The following VAX2 variants were observed in gnomAD, a reference collection of about 807,000 sequenced individuals.
VAX2 encodes ventral anterior homeobox 2.
A neutral mutation model predicts 12.5 loss-of-function variants in VAX2; 8 were observed. The observed-to-expected ratio is 0.64, with a 90% CI of 0.37 to 1.15. The LOEUF is 1.15. Among genes scored for constraint, VAX2 ranks in the 50% most tolerant of loss-of-function variants. The pLI is 0.01. For missense variants in VAX2, 476 were observed against 412.9 expected, an observed-to-expected ratio of 1.15 and a Z score of -1.32; for synonymous variants, 183 against 187.6, an observed-to-expected ratio of 0.98 and a Z score of 0.20.
chr2:70,916,441 T>A (rs1296044003), intron 1 of VAX2, among the ~76,000 whole-genome samples: 2 of 152,210 alleles, frequency 1.3e-5, no homozygotes, highest in Non-Finnish European at 2.9e-5. Context: ...TTATTACATA[T>A]ATAGATCCAT....
At chr2:70,907,237 A>G (rs1679080744) in intron 1 of VAX2, among the ~76,000 whole-genome samples, 1 of 152,256 alleles carries the variant, frequency 6.6e-6, no homozygotes, top group Non-Finnish European at 1.5e-5. Flanking sequence ...GAAGCACTGA[A>G]TTACAAAACC....
chr2:70,930,052 C>T (rs113596389), intron 2 of VAX2, among the ~76,000 whole-genome samples: 3 of 152,080 alleles, frequency 2.0e-5, no homozygotes, highest in Non-Finnish European at 2.9e-5. Context: ...AATCTGCATC[C>T]GCCAGGTGCG....
rs1403872982 is a variant in VAX2 at position 70,933,080 on chromosome 2, T to C, written c.749T>C (p.Phe250Ser). ...PLPPPLPAVCFSSAPLLDLPA... is the reference protein window; with the variant it reads ...PLPPPLPAVCSSSAPLLDLPA... ...CCGCCCCCTCTGCCAGCTGTCTGCT[T>C]TTCCTCGGCCCCGCTCCTGGATCTG... The change falls in exon 3 of 3, where the codon TTT (phenylalanine) becomes TCT (serine). Residue 250 changes from phenylalanine to serine, a missense_variant. Physicochemically the swap from Phe to Ser is radical, Grantham distance 155. Transcript: ENST00000234392. The C allele has an allele frequency of 3.1e-5, 50 of 1,609,728 alleles. No homozygotes were observed. The highest frequency in any genetic ancestry group is 4.2e-5 in the Non-Finnish European group (49 of 1,178,366).
At chr2:70,918,350 C>G (rs1553412330) in intron 1 of VAX2, among the ~76,000 whole-genome samples, 1 of 152,198 alleles carries the variant, frequency 6.6e-6, no homozygotes, top group Non-Finnish European at 1.5e-5. Flanking sequence ...ACTGGCAGGA[C>G]CCAGAAAGAG....
intron 2 of VAX2, among the ~76,000 whole-genome samples, chr2:70,925,955 C>T (rs1470910106): frequency 1.3e-5 from 2 of 152,084 alleles, no homozygotes; most frequent in Non-Finnish European, 2.9e-5. Context: ...CTTCCTTCTG[C>T]CAAATAGCAT....
In VAX2 at chr2:70,921,189, G is replaced by A. The variant is rs782718345; in HGVS notation, c.339G>A (p.Gln113=). 6 of 1,613,650 alleles carry A rather than the reference G, an allele frequency of 3.7e-6. No homozygotes were observed. The highest frequency in any genetic ancestry group is 5.1e-6 in the Non-Finnish European group (6 of 1,179,964). ...CACGTACATCCTTCACTGCCGAGCA[G>A]CTGTACCGCCTGGAGATGGAGTTCC... ...KRTRTSFTAE[Q]LYRLEMEFQR... Residue 113 remains glutamine (Q), a synonymous_variant, in exon 2 of 3, where the codon CAG becomes CAA. Transcript: ENST00000234392.
At position 70,932,747 on chromosome 2, in the gene VAX2, AC is replaced by A. The variant is rs1199121981; in HGVS notation, c.436-15del. The A allele has an allele frequency of 6.1e-6, 9 of 1,465,728 alleles. No homozygotes were observed. Among genetic ancestry groups the A allele is most frequent in the Middle Eastern group, 1.9e-4 (1 of 5,378 alleles). The allele number at this position is 1,465,728 out of a possible 1,614,324, so 90.8% of individuals were successfully genotyped here. A position where few individuals can be genotyped will look rare whatever the true frequency, so the allele number is the denominator to read the frequency against. On this transcript the variant is annotated intron_variant, in intron 2 of 2. Transcript: ENST00000234392. ...TGCCTGTCCCATCTCCCTCCTTGAC[AC>A]CCCCTCCCCCACCCCAAGGTGAAGG... is the stretch of plus-strand genomic sequence containing the variant.
At chr2:70,928,001 G>T (rs1679611322) in intron 2 of VAX2, among the ~76,000 whole-genome samples, 1 of 152,314 alleles carries the variant, frequency 6.6e-6, no homozygotes, top group Admixed American at 6.5e-5. Context: ...GGCTAGGAAT[G>T]GTTTCCCAGA....
At chr2:70,907,469 T>C (rs1212119385) in intron 1 of VAX2, among the ~76,000 whole-genome samples, 1 of 152,278 alleles carries the variant, frequency 6.6e-6, no homozygotes, top group Non-Finnish European at 1.5e-5. Context: ...CTCACACGGC[T>C]GCAGCCCACG....
At chr2:70,913,810 C>A (rs1679248982) in intron 1 of VAX2, among the ~76,000 whole-genome samples, 2 of 152,134 alleles carry the variant, frequency 1.3e-5, no homozygotes, top group Non-Finnish European at 1.5e-5. Context: ...TATCCCCAGG[C>A]CCTAGAATAA....
chr2:70,921,265 C>A lies in VAX2; in HGVS notation c.415C>A (p.Leu139Met), dbSNP rs56075602. 3.2e-3 allele frequency: 5,205 copies of A among 1,610,776 alleles called. 32 individuals carry two copies. The highest frequency in any genetic ancestry group is 0.022 in the South Asian group (1,961 of 90,514). The change falls in exon 2 of 3, where the codon CTG becomes ATG. Residue 139 changes from leucine to methionine, a missense_variant. Physicochemically the swap from Leu to Met is conservative, Grantham distance 15 (BLOSUM62 2). Transcript: ENST00000234392. ...CGAGCGCACTGAGCTGGCCCGCCAG[C>A]TGAACCTCTCCGAGACCCAGGTAAG... ...GRERTELARQ[L>M]NLSETQVKVW...
At chr2:70,902,724 G>A (rs1358163551) in intron 1 of VAX2, among the ~76,000 whole-genome samples, 1 of 152,208 alleles carries the variant, frequency 6.6e-6, no homozygotes, top group Non-Finnish European at 1.5e-5. Flanking sequence ...AAACTCATAG[G>A]AAGTGGAATT....
At chr2:70,907,698 A>G (rs1455996035) in intron 1 of VAX2, among the ~76,000 whole-genome samples, 1 of 152,256 alleles carries the variant, frequency 6.6e-6, no homozygotes, top group African/African-American at 2.4e-5. Context: ...AGGAAAATAG[A>G]GGATTTAAAT....
At chr2:70,903,284 G>A (rs146321943) in intron 1 of VAX2, among the ~76,000 whole-genome samples, 93 of 152,312 alleles carry the variant, frequency 6.1e-4, no homozygotes, top group Non-Finnish European at 1.2e-3. Flanking sequence ...GTAAAAGGGA[G>A]GCATTTGCCC....
chr2:70,928,602 G>T (rs537935580), intron 2 of VAX2, among the ~76,000 whole-genome samples: 10 of 152,162 alleles, frequency 6.6e-5, no homozygotes, highest in African/African-American at 9.7e-5. Flanking sequence ...GCAGGAAGAT[G>T]GGATATGTGG....
intron 2 of VAX2, among the ~76,000 whole-genome samples, chr2:70,921,669 A>G (rs2104777490): frequency 6.6e-6 from 1 of 152,102 alleles, no homozygotes; most frequent in East Asian, 1.9e-4. Flanking sequence ...TCTGGGGAAG[A>G]TGAAACATTA....
chr2:70,933,043 T>TC lies in VAX2; in HGVS notation c.719dup (p.Leu241ThrfsTer49), dbSNP rs782186760. ...CAACCCGCTGTCCTCGGCCTCAGCGTCCCCCCCACTGCCGCCCCCTCTGCC... is the reference window on the plus strand; with the variant it reads ...CAACCCGCTGTCCTCGGCCTCAGCGTCCCCCCCCACTGCCGCCCCCTCTGCC... On this transcript the variant is annotated frameshift_variant, in exon 3 of 3. Coordinates refer to ENST00000234392, the MANE Select transcript of VAX2 (RefSeq NM_012476.3). LOFTEE classifies it low-confidence loss of function (END_TRUNC). The TC allele has an allele frequency of 1.2e-5, 19 of 1,594,848 alleles. No individual in the cohort carries two copies. Among genetic ancestry groups the TC allele is most frequent in the African/African-American group, 5.4e-5 (4 of 74,032 alleles).
At chr2:70,917,773 G>A (rs1405834470) in intron 1 of VAX2, among the ~76,000 whole-genome samples, 1 of 152,038 alleles carries the variant, frequency 6.6e-6, no homozygotes, top group Non-Finnish European at 1.5e-5. Flanking sequence ...CTTGTATAAA[G>A]AGGGAAGGAT....
intron 2 of VAX2, among the ~76,000 whole-genome samples, chr2:70,932,438 G>A (rs889681619): frequency 2.0e-5 from 3 of 152,066 alleles, no homozygotes; most frequent in African/African-American, 7.2e-5. Context: ...GGGCCAAGAG[G>A]AGAACATCAG....
Sources: allele counts gnomAD v4.1 joint callset (sites outside exome capture counted in the v4.1 genomes callset), GRCh38; gene constraint gnomAD v4.1.1; transcripts MANE v1.5; gene names NCBI Gene and HGNC (gene_info 2026-07-23, HGNC 2026-07-21).